Variants in SLC44A1 observed in about 807,000 individuals in gnomAD.
The protein encoded by SLC44A1 is choline transporter-like protein 1.
Under a neutral mutation model 79.3 loss-of-function variants are expected in SLC44A1, and 26 were observed. The observed-to-expected ratio is 0.33, with a 90% CI of 0.24 to 0.46. SLC44A1 has a LOEUF of 0.46. Ranked by LOEUF, SLC44A1 falls within the 20% of genes least tolerant of loss-of-function variation. SLC44A1 has a pLI of 1.00. For missense variants in SLC44A1, 688 were observed against 798.1 expected, an observed-to-expected ratio of 0.86 and a Z score of 1.66; for synonymous variants, 263 against 286.2, an observed-to-expected ratio of 0.92 and a Z score of 0.82.
intron 1 of SLC44A1, among the ~76,000 whole-genome samples, chr9:105,272,917 A>C (rs936401581): frequency 6.6e-6 from 1 of 152,004 alleles, no homozygotes; most frequent in African/African-American, 2.4e-5. Flanking sequence ...TTTATGCCAC[A>C]GTAAGTATAA....
chr9:105,373,674 T>C lies in SLC44A1; in HGVS notation c.1495-924T>C, dbSNP rs562410388. ...TCCCAATGTCCCAACTGTCACCAGGTTGAAGTACCTGGTTCTCCCTGCTCT... is the reference window on the plus strand; with the variant it reads ...TCCCAATGTCCCAACTGTCACCAGGCTGAAGTACCTGGTTCTCCCTGCTCT... On this transcript the variant is annotated intron_variant, in intron 12 of 15. Transcript: ENST00000374720. Among the ~76,000 whole-genome samples the C allele has an allele frequency of 2.0e-5, 3 of 152,310 alleles. No homozygotes were observed. The South Asian group carries it at 6.2e-4, about 32-fold the overall frequency.
chr9:105,261,780 T>A (rs891121570), intron 1 of SLC44A1, among the ~76,000 whole-genome samples: 3 of 143,864 alleles, frequency 2.1e-5, no homozygotes, highest in Non-Finnish European at 4.6e-5. Context: ...TCTCTCTTTT[T>A]TTTTTTTTTT....
intron 5 of SLC44A1, chr9:105,355,864 G>T: frequency 5.0e-6 from 1 of 199,596 alleles, no homozygotes; most frequent in East Asian, 1.2e-4. Context: ...TCTGCCCCTT[G>T]ACTGGTAGAT....
chr9:105,367,265 C>T (rs1158214288), intron 12 of SLC44A1, among the ~76,000 whole-genome samples: 1 of 152,168 alleles, frequency 6.6e-6, no homozygotes, highest in African/African-American at 2.4e-5. Context: ...AGTAGCATTG[C>T]ACTTTCCATT....
intron 15 of SLC44A1, among the ~76,000 whole-genome samples, chr9:105,402,839 G>C (rs1419630053): frequency 6.6e-6 from 1 of 151,954 alleles, no homozygotes; most frequent in Admixed American, 6.6e-5. Context: ...TATACAAAAA[G>C]ATTTTTTTTA....
chr9:105,314,434 T>C (rs188980031), intron 3 of SLC44A1, among the ~76,000 whole-genome samples: 4 of 152,340 alleles, frequency 2.6e-5, no homozygotes, highest in African/African-American at 9.6e-5. Flanking sequence ...CCCTCATTCT[T>C]CAAACAGTCC....
intron 3 of SLC44A1, among the ~76,000 whole-genome samples, chr9:105,322,527 TTAA>T (rs1463627233): frequency 6.6e-6 from 1 of 152,210 alleles, no homozygotes; most frequent in East Asian, 1.9e-4. Flanking sequence ...CATTATCTAA[TTAA>T]TAATTGTGTC....
At chr9:105,294,773 G>A (rs951084706) in intron 1 of SLC44A1, 5 of 150,992 alleles carry the variant, frequency 3.3e-5, no homozygotes, top group African/African-American at 7.3e-5. Context: ...GCCTCATTCT[G>A]TCTTCTTCTT....
intron 3 of SLC44A1, among the ~76,000 whole-genome samples, chr9:105,315,156 C>T (rs901067059): frequency 3.9e-5 from 6 of 152,034 alleles, no homozygotes; most frequent in Middle Eastern, 3.4e-3. Context: ...TGAAAGGCAC[C>T]AAAGCCCTTA....
rs1032047637 is a variant in SLC44A1, at chr9:105,391,459, T to C, written c.*2403T>C. The C allele has an allele frequency of 1.0e-6, 1 of 985,618 alleles. No individual in the cohort carries two copies. Among genetic ancestry groups the C allele is most frequent in the African/African-American group, 1.7e-5 (1 of 57,236 alleles). The allele number at this position is 985,618 out of a possible 1,614,324, so 61.1% of individuals were successfully genotyped here. The stretch of plus-strand genomic sequence containing the variant: ...CCATGTCATTTGAGTTGCAAATTAA[T>C]TGCCAGGCTGTTTTCCTTAAGTAAA... On this transcript the variant is annotated 3_prime_UTR_variant, in exon 16 of 16. Coordinates refer to ENST00000374720, the MANE Select transcript of SLC44A1 (RefSeq NM_080546.5).
Position 105,391,172 on chromosome 9 carries a change from A to G in SLC44A1, c.*2116A>G. The G allele has an allele frequency of 1.0e-6, 1 of 985,774 alleles. No homozygotes were observed. The highest frequency in any genetic ancestry group is 5.2e-4 in the Middle Eastern group (1 of 1,914). The allele number at this position is 985,774 out of a possible 1,614,324, so 61.1% of individuals were successfully genotyped here. On this transcript the variant is annotated 3_prime_UTR_variant, in exon 16 of 16. Transcript: ENST00000374720. ...CAAAGTGACCTGATGGAAGTCCTGA[A>G]CTTGGAAATTAGGTTCTACTCACTT...
At position 105,390,186 on chromosome 9, in the gene SLC44A1, GT is replaced by G. The variant is rs931252898; in HGVS notation, c.*1136del. The G allele has an allele frequency of 8.5e-7, 1 of 1,178,058 alleles. No individual in the cohort carries two copies. The highest frequency in any genetic ancestry group is 1.6e-5 in the African/African-American group (1 of 63,266). 73.0% of individuals were successfully genotyped at this position (1,178,058 alleles called of 1,614,324 possible). A position where few individuals can be genotyped will look rare whatever the true frequency, so the allele number is the denominator to read the frequency against. ...GTTTTTGTTTGGGGGTGGGTTTGGG[GT>G]TTTTTGCTTTTTTATTCCTGAAGCT... On this transcript the variant is annotated 3_prime_UTR_variant, in exon 16 of 16. Transcript: ENST00000374720.
intron 15 of SLC44A1, among the ~76,000 whole-genome samples, chr9:105,437,233 T>A (rs1829474866): frequency 6.6e-6 from 1 of 152,122 alleles, no homozygotes; most frequent in Non-Finnish European, 1.5e-5. Context: ...TTTTACCCCA[T>A]ATGCTCATCC....
intron 1 of SLC44A1, among the ~76,000 whole-genome samples, chr9:105,278,887 A>C (rs1266231197): frequency 6.6e-6 from 1 of 152,188 alleles, no homozygotes; most frequent in Non-Finnish European, 1.5e-5. Context: ...CTATGCTTGA[A>C]AACATTATTA....
At chr9:105,367,270 T>C (rs1470611732) in intron 12 of SLC44A1, among the ~76,000 whole-genome samples, 1 of 152,252 alleles carries the variant, frequency 6.6e-6, no homozygotes, top group Non-Finnish European at 1.5e-5. Context: ...CATTGCACTT[T>C]CCATTCACTC....
chr9:105,256,835 T>G (rs1405028421), intron 1 of SLC44A1, among the ~76,000 whole-genome samples: 2 of 151,824 alleles, frequency 1.3e-5, no homozygotes, highest in Non-Finnish European at 2.9e-5. Context: ...TCACCCAGGC[T>G]GAAGTGCAGT....
At chr9:105,403,118 C>A (rs937483294) in intron 15 of SLC44A1, among the ~76,000 whole-genome samples, 5 of 151,636 alleles carry the variant, frequency 3.3e-5, no homozygotes, top group African/African-American at 1.2e-4. Context: ...CCATGCCCAG[C>A]CCGAAAAGAT....
At chr9:105,426,164 T>C (rs1829320566) in intron 15 of SLC44A1, among the ~76,000 whole-genome samples, 1 of 152,210 alleles carries the variant, frequency 6.6e-6, no homozygotes, top group Non-Finnish European at 1.5e-5. Flanking sequence ...ATATAAACCA[T>C]TTAATACTTC....
chr9:105,435,051 G>C (rs1332266595), intron 15 of SLC44A1, among the ~76,000 whole-genome samples: 1 of 152,114 alleles, frequency 6.6e-6, no homozygotes, highest in Non-Finnish European at 1.5e-5. Context: ...GAAGGCTGAG[G>C]TGGGAGGATC....
Sources: gnomAD v4.1 joint callset for allele counts (sites outside exome capture counted in the v4.1 genomes callset) on GRCh38, gnomAD v4.1.1 for gene constraint, MANE v1.5 for transcripts, NCBI Gene and HGNC (gene_info 2026-07-23, HGNC 2026-07-21) for gene names.